PNKD: variants seen among roughly 807,000 people sequenced by gnomAD.
The protein encoded by PNKD is PNKD metallo-beta-lactamase domain containing, also known as probable thioesterase PNKD.
A neutral mutation model predicts 45.3 loss-of-function variants in PNKD; 36 were observed. The observed-to-expected ratio is 0.80, with a 90% CI of 0.61 to 1.05. PNKD has a LOEUF of 1.05. Ranked by LOEUF, PNKD falls within the 50% of genes least tolerant of loss-of-function variation. PNKD has a pLI of 0.00. For synonymous variants in PNKD, 197 were observed against 210.1 expected (o/e 0.94, Z 0.54); for missense variants, 511 against 506.6 (o/e 1.01, Z -0.08).
At chr2:218,328,858 G>A (rs1457459969) in intron 2 of PNKD, among the ~76,000 whole-genome samples, 1 of 152,140 alleles carries the variant, frequency 6.6e-6, no homozygotes, top group Non-Finnish European at 1.5e-5. Context: ...GCGCATTCTT[G>A]CTTGTACTGG....
chr2:218,292,029 C>A (rs935858891), intron 2 of PNKD, among the ~76,000 whole-genome samples: 1 of 152,030 alleles, frequency 6.6e-6, no homozygotes, highest in Non-Finnish European at 1.5e-5. Context: ...CGTGCCAGGC[C>A]CTGGCTGTCT....
intron 2 of PNKD, chr2:218,275,724 T>A: frequency 1.5e-6 from 2 of 1,376,112 alleles, no homozygotes; most frequent in South Asian, 2.8e-5. Flanking sequence ...CACACAGTGC[T>A]TAGGGCCACA....
intron 2 of PNKD, among the ~76,000 whole-genome samples, chr2:218,288,787 G>A (rs1184942293): frequency 6.6e-6 from 1 of 152,130 alleles, no homozygotes; most frequent in Non-Finnish European, 1.5e-5. Flanking sequence ...TTTCTTGGGG[G>A]TGGAAGGGAG....
At chr2:218,313,600 T>C (rs1693678877) in intron 2 of PNKD, among the ~76,000 whole-genome samples, 1 of 152,230 alleles carries the variant, frequency 6.6e-6, no homozygotes, top group South Asian at 2.1e-4. Flanking sequence ...AGGTTGTTTG[T>C]AGAGTTTCAT....
rs781473009 is a variant in PNKD, at chr2:218,344,950, G to A, written c.1127G>A (p.Arg376His). 33 of 1,613,782 alleles carry A rather than the reference G, an allele frequency of 2.0e-5. No homozygotes were observed. Among genetic ancestry groups the A allele is most frequent in the Admixed American group, 1.2e-4 (7 of 59,998 alleles). ...YSRAQLLEEL[R>H]RLKDMHKSK ...CGGGCCCAGCTCCTGGAAGAGCTCC[G>A]CCGGCTGAAGGATATGCACAAGAGC... Residue 376 changes from arginine (R) to histidine (H), a missense_variant, in exon 10 of 10, where the codon CGC becomes CAC. Coordinates refer to ENST00000273077, the MANE Select transcript of PNKD (RefSeq NM_015488.5).
intron 2 of PNKD, among the ~76,000 whole-genome samples, chr2:218,311,204 A>G (rs1048956469): frequency 6.6e-6 from 1 of 152,164 alleles, no homozygotes. Context: ...TGTGACCTGG[A>G]GCCATTGATC....
chr2:218,344,039 G>A (rs1293372464), intron 8 of PNKD, among the ~76,000 whole-genome samples: 3 of 152,176 alleles, frequency 2.0e-5, no homozygotes, highest in Admixed American at 2.0e-4. Context: ...AGTACTTTAT[G>A]TGCACCTAAC....
At chr2:218,301,194 G>C (rs1468464486) in intron 2 of PNKD, among the ~76,000 whole-genome samples, 1 of 152,164 alleles carries the variant, frequency 6.6e-6, no homozygotes, top group Non-Finnish European at 1.5e-5. Context: ...CAGTTTTATA[G>C]TTGCACTAAC....
At position 218,340,335 on chromosome 2, in the gene PNKD, C is replaced by T. The variant is rs1043382978; in HGVS notation, c.465+194C>T. The stretch of plus-strand genomic sequence containing the variant: ...GGCATGGCTGGGCAGAAGGGGAGAG[C>T]AGGAGTGGGGGATGCAGAGCCAGAG... On this transcript the variant is annotated intron_variant, in intron 4 of 9. Coordinates refer to ENST00000273077, the MANE Select transcript of PNKD (RefSeq NM_015488.5). The surrounding 1 kb of genome is among the most constrained non-coding windows in gnomAD (Gnocchi z 4.2). 4.6e-5 allele frequency among the ~76,000 whole-genome samples: 7 copies of T among 152,058 alleles called. No individual in the cohort carries two copies. The highest frequency in any genetic ancestry group is 1.4e-4 in the African/African-American group (6 of 41,390).
At chr2:218,285,704 G>A (rs753354270) in intron 2 of PNKD, 1 of 152,480 alleles carries the variant, frequency 6.6e-6, no homozygotes, top group Non-Finnish European at 1.5e-5. Flanking sequence ...CTGGGCACAG[G>A]AGAGGAAACC....
intron 2 of PNKD, among the ~76,000 whole-genome samples, chr2:218,297,275 T>C (rs773164825): frequency 5.9e-5 from 9 of 152,214 alleles, no homozygotes; most frequent in Non-Finnish European, 8.8e-5. Flanking sequence ...TTTAACACTT[T>C]CCTAAGGAAA....
intron 2 of PNKD, chr2:218,276,219 C>G: frequency 1.2e-6 from 1 of 859,022 alleles, no homozygotes; most frequent in South Asian, 1.6e-5. Context: ...ACTGCCTTTC[C>G]AGATCTTGGA....
chr2:218,272,838 G>A (rs544351102), intron 2 of PNKD: 1 of 1,610,746 alleles, frequency 6.2e-7, no homozygotes, highest in Admixed American at 1.7e-5. Context: ...GTGCCTCTGA[G>A]GTCCACCAGA....
At chr2:218,329,145 G>T (rs1037249640) in intron 2 of PNKD, among the ~76,000 whole-genome samples, 1 of 152,212 alleles carries the variant, frequency 6.6e-6, no homozygotes, top group African/African-American at 2.4e-5. Flanking sequence ...GGAGGCAGAG[G>T]TTGCAGTGAG....
At chr2:218,278,208 T>C in intron 2 of PNKD, 1 of 609,290 alleles carries the variant, frequency 1.6e-6, no homozygotes, top group South Asian at 2.0e-5. Context: ...TTTGCAACTC[T>C]TAAACTGACT....
At chr2:218,297,376 ATC>A (rs1427069198) in intron 2 of PNKD, among the ~76,000 whole-genome samples, 1 of 152,170 alleles carries the variant, frequency 6.6e-6, no homozygotes, top group African/African-American at 2.4e-5. Context: ...CCGGGGGCCC[ATC>A]TCTCTACTTA....
intron 2 of PNKD, chr2:218,334,896 A>G (rs1694443128): frequency 1.6e-6 from 1 of 616,400 alleles, no homozygotes; most frequent in African/African-American, 1.8e-5. Context: ...GGGTGATTTG[A>G]CTGGGGTCTC....
intron 9 of PNKD, 108 bp downstream of exon 9, chr2:218,344,678 C>G: frequency 1.5e-6 from 2 of 1,373,438 alleles, no homozygotes; most frequent in Non-Finnish European, 2.1e-6. Context: ...AAACTCTGAC[C>G]TCTTTGGCCC....
chr2:218,339,969 A>T lies in PNKD; in HGVS notation c.353-60A>T. ...ACCCTCCCCGCCTGCTCCCCTTCAC[A>T]TACCCCAGCCCCTGGGCTCCCTGCC... is the stretch of plus-strand genomic sequence containing the variant. On this transcript the variant is annotated intron_variant, in intron 3 of 9. Coordinates refer to ENST00000273077, the MANE Select transcript of PNKD (RefSeq NM_015488.5). 4 of 1,444,200 alleles carry T rather than the reference A, an allele frequency of 2.8e-6. No individual in the cohort carries two copies. The South Asian group carries it at 4.6e-5, about 17-fold the overall frequency. 89.5% of individuals were successfully genotyped at this position (1,444,200 alleles called of 1,614,324 possible).
Sources: gnomAD v4.1 joint callset for allele counts (sites outside exome capture counted in the v4.1 genomes callset) on GRCh38, gnomAD v4.1.1 for gene constraint, Gnocchi (gnomAD v3.1) non-coding constraint, MANE v1.5 for transcripts, NCBI Gene and HGNC (gene_info 2026-07-23, HGNC 2026-07-21) for gene names.